Variants in AACS observed in about 807,000 individuals in gnomAD.
The protein encoded by AACS is acetoacetyl-CoA synthetase.
AACS carries 69 observed loss-of-function variants against 83.1 expected under a neutral mutation model. That is an observed-to-expected ratio of 0.83 (90% CI 0.68 to 1.01). AACS has a LOEUF of 1.01. AACS is among the 50% of genes least tolerant of loss of function. The pLI is 0.00. For missense variants in AACS, 866 were observed against 882.2 expected (o/e 0.98, Z 0.23); for synonymous variants, 333 against 343.4 (o/e 0.97, Z 0.33).
chr12:125,114,945 G>A (rs1052189099), intron 9 of AACS, among the ~76,000 whole-genome samples: 3 of 152,250 alleles, frequency 2.0e-5, no homozygotes, highest in Admixed American at 6.5e-5. Context: ...CCCGGGCGCC[G>A]GCCTGTGCTG....
chr12:125,093,868 G>A (rs780138907), intron 5 of AACS, among the ~76,000 whole-genome samples: 1 of 152,244 alleles, frequency 6.6e-6, no homozygotes, highest in Non-Finnish European at 1.5e-5. Flanking sequence ...GGTTGGCAGG[G>A]AGTCTGTCGG....
At chr12:125,102,251 A>G (rs1592973683) in intron 5 of AACS, 1 of 171,132 alleles carries the variant, frequency 5.8e-6, no homozygotes, top group East Asian at 1.6e-4. Context: ...GGGTTTCACC[A>G]TATTGGCCAG....
intron 10 of AACS, 197 bp from the exon 11 acceptor site, chr12:125,124,508 A>C (rs1225010368): frequency 1.5e-5 from 9 of 613,604 alleles, no homozygotes; most frequent in Non-Finnish European, 2.6e-5. Flanking sequence ...ATCAGTGTAA[A>C]GAGCAGTCAG....
At chr12:125,096,147 G>A (rs1476422637) in intron 5 of AACS, among the ~76,000 whole-genome samples, 2 of 152,158 alleles carry the variant, frequency 1.3e-5, no homozygotes, top group African/African-American at 4.8e-5. Flanking sequence ...TGTATTTTTA[G>A]TAGAGACGGG....
In AACS at chr12:125,065,542, T is replaced by G. The variant is rs1386293565; in HGVS notation, c.-43T>G. The stretch of plus-strand genomic sequence containing the variant: ...CGGCCCTCGCCTCAGCCCCGGCCCC[T>G]GGTCCCCAGCCCTCGTCGCAGCCCC... On this transcript the variant is annotated 5_prime_UTR_variant, in exon 1 of 18. Transcript: ENST00000316519. The G allele has an allele frequency of 6.9e-7, 1 of 1,458,200 alleles. No homozygotes were observed. Among genetic ancestry groups the G allele is most frequent in the South Asian group, 1.4e-5 (1 of 73,678 alleles). 90.3% of individuals were successfully genotyped at this position (1,458,200 alleles called of 1,614,324 possible).
chr12:125,118,591 G>T (rs367646177), intron 9 of AACS, 50 bp from the exon 10 acceptor site: 3 of 1,607,414 alleles, frequency 1.9e-6, no homozygotes, highest in South Asian at 1.1e-5. Context: ...GGCAGCGCTG[G>T]GGGGAGCTGC....
At chr12:125,133,902 G>A in intron 14 of AACS, 101 bp from the exon 15 acceptor site, 1 of 1,200,142 alleles carries the variant, frequency 8.3e-7, no homozygotes, top group Admixed American at 1.9e-5. Flanking sequence ...CCTGCCTCTG[G>A]GCCCCAGTGA....
chr12:125,114,639 A>AGCCCATGACACATAGTAAGGG (rs1957017812), intron 9 of AACS, 82 bp downstream of exon 9: 1 of 1,180,040 alleles, frequency 8.5e-7, no homozygotes, highest in African/African-American at 1.8e-5. Flanking sequence ...CATAGTAAGG[A>AGCCCATGACACATAGTAAGGG]CTTCCCCAGG....
intron 17 of AACS, chr12:125,138,857 C>T (rs1366779683): frequency 6.6e-6 from 1 of 152,020 alleles, no homozygotes; most frequent in Non-Finnish European, 1.5e-5. Flanking sequence ...GGGAGGGGTC[C>T]AGCCTCCACA....
chr12:125,111,623 CCAGAG>C (rs1956954366), intron 8 of AACS, among the ~76,000 whole-genome samples: 1 of 152,130 alleles, frequency 6.6e-6, no homozygotes, highest in Non-Finnish European at 1.5e-5. Context: ...GCAACATAGG[CCAGAG>C]TCCTAGGGCT....
intron 3 of AACS, among the ~76,000 whole-genome samples, chr12:125,079,681 G>A (rs147139473): frequency 1.4e-4 from 22 of 152,198 alleles, no homozygotes; most frequent in African/African-American, 4.8e-4. Flanking sequence ...GAGCCACTGC[G>A]TCCAGCCAGC....
In AACS at chr12:125,094,274, G is replaced by A. The variant is rs918528738; in HGVS notation, c.570+2751G>A. On this transcript the variant is annotated intron_variant, in intron 5 of 17. Transcript: ENST00000316519. The surrounding 1 kb of genome is among the most constrained non-coding windows in gnomAD (Gnocchi z 4.1). ...TCAGACTGTGCCCCATTTTCAGTAAGGGGCGCTCTTCAGAAACTGCAATGA... is the reference window on the plus strand; with the variant it reads ...TCAGACTGTGCCCCATTTTCAGTAAAGGGCGCTCTTCAGAAACTGCAATGA... Among the ~76,000 whole-genome samples the A allele has an allele frequency of 1.3e-5, 2 of 152,212 alleles. No individual in the cohort carries two copies. Among genetic ancestry groups the A allele is most frequent in the Non-Finnish European group, 2.9e-5 (2 of 68,034 alleles).
intron 4 of AACS, among the ~76,000 whole-genome samples, chr12:125,088,270 TGC>T (rs1270733968): frequency 6.6e-6 from 1 of 151,482 alleles, no homozygotes; most frequent in African/African-American, 2.4e-5. Flanking sequence ...CTCACTCTGT[TGC>T]CCAGGCTGGA....
At chr12:125,089,468 G>GA (rs1259347100) in intron 4 of AACS, among the ~76,000 whole-genome samples, 2 of 152,106 alleles carry the variant, frequency 1.3e-5, no homozygotes, top group Non-Finnish European at 2.9e-5. Flanking sequence ...CTTTCCTCTG[G>GA]AATGTGTAGA....
rs376572871 is a variant in AACS at position 125,116,624 on chromosome 12, T to C, written c.997-2017T>C. The stretch of plus-strand genomic sequence containing the variant: ...GACTACAGGCGCCCGCCCCCACGCC[T>C]GGCTAATTTTTTTTGTATTTTTAGT... On this transcript the variant is annotated intron_variant, in intron 9 of 17. Transcript: ENST00000316519. Among the ~76,000 whole-genome samples, 34 of 152,110 alleles carry C rather than the reference T, an allele frequency of 2.2e-4. 1 individual carries two copies. Among genetic ancestry groups the C allele is most frequent in the African/African-American group, 7.9e-4 (33 of 41,518 alleles).
chr12:125,069,538 C>T (rs1011846307), intron 1 of AACS, among the ~76,000 whole-genome samples: 15 of 152,222 alleles, frequency 9.9e-5, no homozygotes, highest in Admixed American at 9.2e-4. Flanking sequence ...CTCTGGGGTC[C>T]TCTGATGCAG....
At chr12:125,096,408 C>T (rs147465469) in intron 5 of AACS, among the ~76,000 whole-genome samples, 4 of 152,352 alleles carry the variant, frequency 2.6e-5, no homozygotes, top group East Asian at 3.9e-4. Flanking sequence ...CTTAGAATCC[C>T]GGGCACAGAG....
At chr12:125,141,293 G>A (rs1386821038) in intron 17 of AACS, 3 of 152,848 alleles carry the variant, frequency 2.0e-5, no homozygotes, top group Non-Finnish European at 4.4e-5. Flanking sequence ...TGCACTGCCG[G>A]GGTCAGTGGG....
chr12:125,098,818 A>G (rs563568148), intron 5 of AACS, among the ~76,000 whole-genome samples: 61 of 152,300 alleles, frequency 4.0e-4, no homozygotes, highest in African/African-American at 1.4e-3. Context: ...ATTGAGTTAT[A>G]TGTGGCCACC....
Sources: gnomAD v4.1 joint callset for allele counts (sites outside exome capture counted in the v4.1 genomes callset) on GRCh38, gnomAD v4.1.1 for gene constraint, Gnocchi (gnomAD v3.1) non-coding constraint, MANE v1.5 for transcripts, NCBI Gene and HGNC (gene_info 2026-07-23, HGNC 2026-07-21) for gene names.